SLC39A14: variants seen among roughly 807,000 people sequenced by gnomAD.
SLC39A14 encodes solute carrier family 39 member 14, also known as metal cation symporter ZIP14.
A neutral mutation model predicts 45.5 loss-of-function variants in SLC39A14; 19 were observed. The ratio of observed to expected loss-of-function variants is 0.42; its 90% CI spans 0.29 to 0.61. The LOEUF (loss-of-function observed/expected upper bound fraction) is 0.61, where lower values mean the gene tolerates loss of function less well. Ranked by LOEUF, SLC39A14 falls within the 20% of genes least tolerant of loss-of-function variation. SLC39A14 has a pLI of 0.22. For synonymous variants in SLC39A14, 264 were observed against 251.3 expected (o/e 1.05, Z -0.48); for missense variants, 447 against 616.5 (o/e 0.73, Z 2.91).
intron 8 of SLC39A14, among the ~76,000 whole-genome samples, chr8:22,419,027 G>GA (rs34995511): frequency 0.34 from 51,156 of 148,282 alleles, 9,341 homozygotes; most frequent in East Asian, 0.6. Flanking sequence ...TGGAAAAAAG[G>GA]AAAAAAAAAA....
chr8:22,423,824 T>C (rs1836335084), downstream of SLC39A14, among the ~76,000 whole-genome samples: 1 of 81,110 alleles, frequency 1.2e-5, no homozygotes, highest in Non-Finnish European at 2.9e-5. Context: ...TCTATCTTCC[T>C]ATGTAGATAG....
rs576863051 is a variant in SLC39A14 at position 22,383,007 on chromosome 8, C to T, written c.-16+15599C>T. On this transcript the variant is annotated intron_variant, in intron 1 of 8. Transcript: ENST00000381237. ...TGTTGGGATTACAGGCGTGAGTCACCGCGGCCGGTGGCGGTGTTTTTCTTT... is the reference window on the plus strand; with the variant it reads ...TGTTGGGATTACAGGCGTGAGTCACTGCGGCCGGTGGCGGTGTTTTTCTTT... 4.6e-5 allele frequency among the ~76,000 whole-genome samples: 7 copies of T among 152,110 alleles called. 1 individual carries two copies. The highest frequency in any genetic ancestry group is 1.9e-4 in the East Asian group (1 of 5,154).
chr8:22,393,953 A>T (rs1834224173), intron 1 of SLC39A14, among the ~76,000 whole-genome samples: 1 of 151,332 alleles, frequency 6.6e-6, no homozygotes, highest in African/African-American at 2.4e-5. Flanking sequence ...GATTACAGAC[A>T]TGGGCCACCG....
intron 8 of SLC39A14, among the ~76,000 whole-genome samples, chr8:22,431,330 T>C (rs576389730): frequency 6.6e-6 from 1 of 152,336 alleles, no homozygotes; most frequent in East Asian, 1.9e-4. Flanking sequence ...TACATTATAA[T>C]ATACCTTTTG....
chr8:22,382,339 A>G (rs770721378), intron 1 of SLC39A14, among the ~76,000 whole-genome samples: 39 of 152,310 alleles, frequency 2.6e-4, no homozygotes, highest in Non-Finnish European at 5.3e-4. Flanking sequence ...GAATCCTATG[A>G]AATAGGCACT....
At chr8:22,430,991 CTTTTTT>C (rs869060206) in intron 8 of SLC39A14, among the ~76,000 whole-genome samples, 1 of 60,640 alleles carries the variant, frequency 1.6e-5, no homozygotes, top group African/African-American at 5.0e-5. Flanking sequence ...CCAATTCCCT[CTTTTTT>C]TTTTTTTTTT....
chr8:22,372,899 G>A (rs1407297811), intron 1 of SLC39A14, among the ~76,000 whole-genome samples: 1 of 151,914 alleles, frequency 6.6e-6, no homozygotes, highest in Non-Finnish European at 1.5e-5. Context: ...CCTCAAGACT[G>A]AGAAATTTTA....
At position 22,405,012 on chromosome 8, in the gene SLC39A14, T is replaced by A. The variant is rs754127194; in HGVS notation, c.270+32T>A. 4 of 1,598,080 alleles carry A rather than the reference T, an allele frequency of 2.5e-6. No individual in the cohort carries two copies. In the South Asian group the frequency reaches 4.5e-5, roughly 18 times the overall value. On this transcript the variant is annotated intron_variant, in intron 2 of 8. Transcript: ENST00000381237. ...CTCCCCTGTGAGCCAGCAGCTCTGCTCAGCCCCGTCTCTGGCCTCTCAGGG... is the reference window on the plus strand; with the variant it reads ...CTCCCCTGTGAGCCAGCAGCTCTGCACAGCCCCGTCTCTGGCCTCTCAGGG...
In SLC39A14 at chr8:22,415,845, A is replaced by C. The variant is rs948468158; in HGVS notation, c.827A>C (p.Lys276Thr). The C allele has an allele frequency of 3.7e-6, 6 of 1,613,496 alleles. No individual in the cohort carries two copies. Among genetic ancestry groups the C allele is most frequent in the Non-Finnish European group, 3.4e-6 (4 of 1,179,884 alleles). ...GACCAGGAGGAGGGGGTGATGGAGA[A>C]GCTGCAGAACGGGGACCTGGACCAC... is the stretch of plus-strand genomic sequence containing the variant. ...KKDQEEGVME[K>T]LQNGDLDHMI... Residue 276 changes from lysine to threonine, a missense_variant, in exon 6 of 9, where the codon AAG (lysine) becomes ACG (threonine). Coordinates refer to ENST00000381237, the MANE Select transcript of SLC39A14 (RefSeq NM_001128431.4).
At chr8:22,434,013 T>C (rs1376185974) in exon 9 of SLC39A14, 2 of 366,338 alleles carry the variant, frequency 5.5e-6, no homozygotes, top group African/African-American at 4.4e-5. Flanking sequence ...GAGCCAGCCA[T>C]GTTTGTTAAT....
chr8:22,425,028 C>CAAAAA (rs71544902), downstream of SLC39A14, among the ~76,000 whole-genome samples: 40 of 74,182 alleles, frequency 5.4e-4, no homozygotes, highest in South Asian at 6.5e-4. Context: ...GACTCCGTCT[C>CAAAAA]AAAAAAAAAA....
intron 1 of SLC39A14, among the ~76,000 whole-genome samples, chr8:22,378,763 T>G (rs1256135874): frequency 6.6e-6 from 1 of 152,076 alleles, no homozygotes; most frequent in Non-Finnish European, 1.5e-5. Context: ...ATCCCAGGAG[T>G]GACGTCTCAT....
intron 5 of SLC39A14, 47 bp from the exon 6 acceptor site, chr8:22,415,722 G>T: frequency 6.3e-7 from 1 of 1,575,414 alleles, no homozygotes; most frequent in Non-Finnish European, 8.6e-7. Flanking sequence ...AATCAGGTTT[G>T]TGGTTTTGGT....
exon 9 of SLC39A14, chr8:22,433,931 G>A: frequency 2.3e-6 from 1 of 429,738 alleles, no homozygotes; most frequent in South Asian, 1.7e-5. Context: ...GTGCAATGGT[G>A]CCATCTCAGC....
intron 1 of SLC39A14, among the ~76,000 whole-genome samples, chr8:22,394,955 AGTTTGAATTTTTTCCC>A (rs955409901): frequency 6.6e-6 from 1 of 151,722 alleles, no homozygotes; most frequent in Non-Finnish European, 1.5e-5. Flanking sequence ...AGAAGAAGGC[AGTTTGAATTTTTTCCC>A]GTTTGAAAGA....
intron 1 of SLC39A14, among the ~76,000 whole-genome samples, chr8:22,389,343 ACT>A (rs977231226): frequency 3.3e-5 from 5 of 151,694 alleles, no homozygotes; most frequent in Admixed American, 2.0e-4. Flanking sequence ...ACCACACAAG[ACT>A]CTGCATCTCA....
intron 8 of SLC39A14, among the ~76,000 whole-genome samples, chr8:22,430,556 A>G (rs1267084363): frequency 6.6e-6 from 1 of 152,136 alleles, no homozygotes. Context: ...TTGGTATCTT[A>G]CCTGTGGAAC....
chr8:22,426,381 G>A (rs1836387987), downstream of SLC39A14, among the ~76,000 whole-genome samples: 1 of 151,796 alleles, frequency 6.6e-6, no homozygotes, highest in African/African-American at 2.4e-5. Context: ...TTAGTGGAAA[G>A]GAGGTCTCGT....
Position 22,404,813 on chromosome 8 carries a change from G to C in SLC39A14, c.103G>C (p.Ala35Pro). 6.2e-7 allele frequency: 1 copy of C among 1,613,568 alleles called. No individual in the cohort carries two copies. Among genetic ancestry groups the C allele is most frequent in the Middle Eastern group, 1.6e-4 (1 of 6,062 alleles). The change falls in exon 2 of 9, where the codon GCA becomes CCA. Residue 35 changes from alanine (A) to proline (P), a missense_variant. Ala to Pro is a conservative substitution (Grantham distance 27). Around this residue, in one of 2 missense-constraint regions of SLC39A14, gnomAD observed 342 missense variants for 428.1 expected, o/e 0.80. Transcript: ENST00000381237. Reference protein sequence around the residue: ...TPEAHASSLGAPAISAASFLQ... With the variant: ...TPEAHASSLGPPAISAASFLQ... ...TGAGGCTCACGCTTCATCCCTGGGT[G>C]CACCAGCTATCAGCGCTGCCTCCTT...
Sources: allele counts gnomAD v4.1 joint callset (sites outside exome capture counted in the v4.1 genomes callset), GRCh38; gene constraint gnomAD v4.1.1; regional missense constraint gnomAD v4.1.1; transcripts MANE v1.5; gene names NCBI Gene and HGNC (gene_info 2026-07-23, HGNC 2026-07-21).